The following SNTG2 variants were observed in gnomAD, a reference collection of about 807,000 sequenced individuals.
SNTG2 encodes the protein gamma-2-syntrophin.
Under a neutral mutation model 70.9 loss-of-function variants are expected in SNTG2, and 74 were observed. That is an observed-to-expected ratio of 1.04 (90% CI 0.86 to 1.27). The LOEUF (loss-of-function observed/expected upper bound fraction) is 1.27. Among genes scored for constraint, SNTG2 ranks in the 50% most tolerant of loss-of-function variants. SNTG2 has a pLI of 0.00. For synonymous variants in SNTG2, 278 were observed against 273.8 expected, an observed-to-expected ratio of 1.02 and a Z score of -0.15; for missense variants, 717 against 690.7, an observed-to-expected ratio of 1.04 and a Z score of -0.43.
intron 6 of SNTG2, among the ~76,000 whole-genome samples, chr2:1,157,139 G>A (rs561507727): frequency 1.2e-4 from 18 of 152,024 alleles, no homozygotes; most frequent in Non-Finnish European, 2.4e-4. Flanking sequence ...TTCCTGACTC[G>A]GCCCCTTCCT....
At chr2:1,222,369 A>G (rs191013634) in intron 9 of SNTG2, among the ~76,000 whole-genome samples, 149 of 152,380 alleles carry the variant, frequency 9.8e-4, no homozygotes, top group African/African-American at 3.5e-3. Context: ...TCTGCTTTAA[A>G]CATTAATTTG....
rs186260165 is a variant in SNTG2, at chr2:1,272,724, G to T, written c.1284+5153G>T. On this transcript the variant is annotated intron_variant, in intron 14 of 16. Coordinates refer to ENST00000308624, the MANE Select transcript of SNTG2 (RefSeq NM_018968.4). ...GCGGGTGCAGAAAGGACACCCCAGGGAGCGGGTGCAGAAAGGACACCCCAG... is the reference window on the plus strand; with the variant it reads ...GCGGGTGCAGAAAGGACACCCCAGGTAGCGGGTGCAGAAAGGACACCCCAG... Among the ~76,000 whole-genome samples the T allele has an allele frequency of 3.5e-4, 42 of 120,608 alleles. No homozygotes were observed. In the East Asian group the frequency reaches 9.4e-3, roughly 27 times the overall value. The allele number at this position is 120,608 out of a possible 152,430, so 79.1% of individuals were successfully genotyped here.
chr2:1,033,513 G>A (rs1481508358), intron 1 of SNTG2, among the ~76,000 whole-genome samples: 3 of 139,142 alleles, frequency 2.2e-5, no homozygotes, highest in Middle Eastern at 3.7e-3. Flanking sequence ...CTGTGGAGAC[G>A]GGGATGGAAA....
At chr2:1,095,942 G>A (rs1572417948) in intron 2 of SNTG2, among the ~76,000 whole-genome samples, 1 of 152,146 alleles carries the variant, frequency 6.6e-6, no homozygotes, top group Admixed American at 6.5e-5. Flanking sequence ...GCAGGTGGAC[G>A]GACGCCTTTC....
chr2:986,146 C>T (rs1338063608), intron 1 of SNTG2, among the ~76,000 whole-genome samples: 1 of 143,458 alleles, frequency 7.0e-6, no homozygotes, highest in African/African-American at 2.6e-5. Flanking sequence ...ATCAATTTTC[C>T]TTTCACACAG....
At chr2:1,239,803 A>G (rs370578090) in intron 11 of SNTG2, 27 bp downstream of exon 11, 4 of 1,608,926 alleles carry the variant, frequency 2.5e-6, no homozygotes, top group South Asian at 2.2e-5. Flanking sequence ...CTGCTTCATG[A>G]TGTAACACAT....
intron 14 of SNTG2, among the ~76,000 whole-genome samples, chr2:1,280,952 G>A (rs543253912): frequency 5.9e-5 from 9 of 152,322 alleles, no homozygotes; most frequent in Admixed American, 4.6e-4. Context: ...ACGTGGACAC[G>A]TAGCTAGCTA....
intron 2 of SNTG2, among the ~76,000 whole-genome samples, chr2:1,086,357 A>G (rs987381783): frequency 3.3e-5 from 5 of 152,172 alleles, no homozygotes. Context: ...AGAAAGCCCA[A>G]AAAGTCAGAT....
At chr2:1,323,490 A>ACAGT (rs1461193150) in intron 16 of SNTG2, among the ~76,000 whole-genome samples, 4 of 115,630 alleles carry the variant, frequency 3.5e-5, no homozygotes, top group Non-Finnish European at 7.6e-5. Context: ...GACAAGACTA[A>ACAGT]CAGTCACATG....
At chr2:1,090,638 A>G (rs886202406) in intron 2 of SNTG2, among the ~76,000 whole-genome samples, 4 of 152,154 alleles carry the variant, frequency 2.6e-5, no homozygotes, top group Non-Finnish European at 4.4e-5. Context: ...GGTTTTCTCC[A>G]TTGACATGGT....
Position 1,086,299 on chromosome 2 carries a change from G to A in SNTG2, c.210+2644G>A, listed in dbSNP as rs57698996. 3.1e-3 allele frequency among the ~76,000 whole-genome samples: 476 copies of A among 152,170 alleles called. 6 individuals carry two copies. Among genetic ancestry groups the A allele is most frequent in the African/African-American group, 0.011 (437 of 41,542 alleles). On this transcript the variant is annotated intron_variant, in intron 2 of 16. Transcript: ENST00000308624. ...GGGGCTGAGCCAGAGAGGAAGACAC[G>A]GGCTCGCTCTCTCGCTCTCTCTGTC...
chr2:982,337 G>T (rs1324568931), intron 1 of SNTG2, among the ~76,000 whole-genome samples: 2 of 152,040 alleles, frequency 1.3e-5, no homozygotes, highest in African/African-American at 4.8e-5. Context: ...CTTTTTCTTT[G>T]AGAATAATTG....
At chr2:1,063,703 A>G (rs1028052587) in intron 1 of SNTG2, among the ~76,000 whole-genome samples, 4 of 152,230 alleles carry the variant, frequency 2.6e-5, no homozygotes, top group Admixed American at 6.5e-5. Context: ...TGGACACAAC[A>G]AAATACTGAA....
intron 1 of SNTG2, among the ~76,000 whole-genome samples, chr2:1,020,929 A>G (rs1200674673): frequency 6.6e-6 from 1 of 152,218 alleles, no homozygotes; most frequent in Non-Finnish European, 1.5e-5. Context: ...GATCCTTCTG[A>G]GTCAATTATT....
chr2:1,173,949 C>T (rs1050627437), intron 8 of SNTG2, among the ~76,000 whole-genome samples: 8 of 152,206 alleles, frequency 5.3e-5, no homozygotes, highest in Non-Finnish European at 1.0e-4. Flanking sequence ...TAAATCATTC[C>T]AGTCAAATCA....
intron 1 of SNTG2, among the ~76,000 whole-genome samples, chr2:1,033,179 T>C (rs1048643856): frequency 6.6e-6 from 1 of 152,026 alleles, no homozygotes; most frequent in Non-Finnish European, 1.5e-5. Flanking sequence ...CACCTCAACA[T>C]GAGATTTGGA....
intron 6 of SNTG2, among the ~76,000 whole-genome samples, chr2:1,151,313 C>CG (rs1669481238): frequency 3.0e-5 from 1 of 32,972 alleles, no homozygotes; most frequent in Non-Finnish European, 2.2e-4. Flanking sequence ...GGGCTGCCTC[C>CG]GGGGGGTGTC....
chr2:1,051,906 C>A (rs114056577), intron 1 of SNTG2, among the ~76,000 whole-genome samples: 4,593 of 152,314 alleles, frequency 0.03, 109 homozygotes, highest in Middle Eastern at 0.078. Flanking sequence ...TATTTTATTA[C>A]ACAACATTAG....
intron 9 of SNTG2, among the ~76,000 whole-genome samples, chr2:1,215,710 C>G (rs1221710454): frequency 6.9e-6 from 1 of 144,690 alleles, no homozygotes; most frequent in Non-Finnish European, 1.5e-5. Context: ...CCCCCTCCCC[C>G]AACCCCATGA....
Sources: allele counts gnomAD v4.1 joint callset (sites outside exome capture counted in the v4.1 genomes callset), GRCh38; gene constraint gnomAD v4.1.1; transcripts MANE v1.5; gene names NCBI Gene and HGNC (gene_info 2026-07-23, HGNC 2026-07-21).